The following CADM2 variants were observed in gnomAD, a reference collection of about 807,000 sequenced individuals.
The protein encoded by CADM2 is immunoglobulin superfamily member 4D.
CADM2 carries 12 observed loss-of-function variants against 49.8 expected under a neutral mutation model. The ratio of observed to expected loss-of-function variants is 0.24; its 90% CI spans 0.15 to 0.39. The LOEUF (loss-of-function observed/expected upper bound fraction) is 0.39, where lower values mean the gene tolerates loss of function less well. Among genes scored for constraint, CADM2 ranks in the 10% least tolerant of loss-of-function variants. The pLI, the probability that CADM2 is intolerant of heterozygous loss-of-function variation, is 1.00. For synonymous variants in CADM2, 214 were observed against 175.4 expected (o/e 1.22, Z -1.74); for missense variants, 378 against 492.3 (o/e 0.77, Z 2.20).
chr3:85,568,618 T>TTTCTTTC (rs2062387503), intron 1 of CADM2, among the ~76,000 whole-genome samples: 3 of 146,102 alleles, frequency 2.1e-5, no homozygotes, highest in Non-Finnish European at 1.5e-5. Context: ...CTTTCTTTTT[T>TTTCTTTC]TTTTTTTTTA....
At chr3:85,293,362 A>T (rs1220706724) in intron 1 of CADM2, among the ~76,000 whole-genome samples, 1 of 150,442 alleles carries the variant, frequency 6.6e-6, no homozygotes, top group Non-Finnish European at 1.5e-5. Context: ...CAGAGGTACA[A>T]GGAGGAACTG....
intron 1 of CADM2, among the ~76,000 whole-genome samples, chr3:85,585,522 G>A (rs555503301): frequency 1.3e-5 from 2 of 151,714 alleles, no homozygotes; most frequent in Admixed American, 6.6e-5. Flanking sequence ...GTTTCATCTC[G>A]AATTCTTTAT....
At position 86,066,332 on chromosome 3, in the gene CADM2, C is replaced by CAAAAAAAAAAAAAAAAAAAAAAAAAAAA. The variant is rs10663610; in HGVS notation, c.1097-307_1097-306insAAAAAAAAAAAAAAAAAAAAAAAAAAAA. Reference sequence around the variant, plus strand: ...TGGGCGAGAGAGCGAGACTCCGTCTCAAAAAAAAAAAAAAAAAAAAAAAAA... The same window carrying CAAAAAAAAAAAAAAAAAAAAAAAAAAAA: ...TGGGCGAGAGAGCGAGACTCCGTCTCAAAAAAAAAAAAAAAAAAAAAAAAAAAAAAAAAAAAAAAAAAAAAAAAAAAAA... On this transcript the variant is annotated intron_variant, in intron 9 of 9. Transcript: ENST00000383699. Among the ~76,000 whole-genome samples, 6 of 30,362 alleles carry CAAAAAAAAAAAAAAAAAAAAAAAAAAAA rather than the reference C, an allele frequency of 2.0e-4. 2 individuals are homozygous for CAAAAAAAAAAAAAAAAAAAAAAAAAAAA. Among genetic ancestry groups the CAAAAAAAAAAAAAAAAAAAAAAAAAAAA allele is most frequent in the African/African-American group, 1.1e-3 (5 of 4,676 alleles). The allele number at this position is 30,362 out of a possible 152,430, so 19.9% of individuals were successfully genotyped here.
chr3:85,082,815 G>C (rs1380301018), intron 1 of CADM2, among the ~76,000 whole-genome samples: 1 of 152,068 alleles, frequency 6.6e-6, no homozygotes, highest in Non-Finnish European at 1.5e-5. Context: ...ATTTGATGAT[G>C]GGGAATTGTG....
intron 1 of CADM2, among the ~76,000 whole-genome samples, chr3:85,377,392 A>G (rs1267727310): frequency 6.6e-6 from 1 of 152,060 alleles, no homozygotes; most frequent in Non-Finnish European, 1.5e-5. Flanking sequence ...TCACCTTGCC[A>G]ACGGAAGTTG....
At position 85,939,468 on chromosome 3, in the gene CADM2, A is replaced by AACACACACACACACACACAC. The variant is rs373804679; in HGVS notation, c.791+3627_791+3646dup. On this transcript the variant is annotated intron_variant, in intron 7 of 9. Coordinates refer to ENST00000383699, the MANE Select transcript of CADM2 (RefSeq NM_001167675.2). ...ATTCTCCATTTTAAAAGTAAACGAAAACACACACACACACACACACACACA... is the reference window on the plus strand; with the variant it reads ...ATTCTCCATTTTAAAAGTAAACGAAAACACACACACACACACACACACACACACACACACACACACACACA... 2.3e-3 allele frequency among the ~76,000 whole-genome samples: 311 copies of AACACACACACACACACACAC among 137,060 alleles called. 3 individuals carry two copies. The highest frequency in any genetic ancestry group is 6.2e-3 in the East Asian group (27 of 4,372). 89.9% of individuals were successfully genotyped at this position (137,060 alleles called of 152,430 possible).
intron 1 of CADM2, among the ~76,000 whole-genome samples, chr3:85,226,359 A>G (rs2042160703): frequency 6.6e-6 from 1 of 151,690 alleles, no homozygotes; most frequent in African/African-American, 2.4e-5. Flanking sequence ...GGGAGGGTGT[A>G]TGTGTCCAGG....
intron 1 of CADM2, among the ~76,000 whole-genome samples, chr3:85,001,725 T>C (rs1320398089): frequency 6.6e-6 from 1 of 152,100 alleles, no homozygotes; most frequent in Admixed American, 6.6e-5. Context: ...TTGATACTCA[T>C]AGTTTTATAC....
At chr3:85,299,650 C>T (rs926688937) in intron 1 of CADM2, among the ~76,000 whole-genome samples, 4 of 152,018 alleles carry the variant, frequency 2.6e-5, no homozygotes, top group African/African-American at 7.2e-5. Context: ...GCCCATATTA[C>T]TTCAGAGGTT....
chr3:85,816,683 CT>C (rs1004516188), intron 3 of CADM2, among the ~76,000 whole-genome samples: 5 of 151,720 alleles, frequency 3.3e-5, no homozygotes, highest in African/African-American at 1.2e-4. Context: ...TATCAAAAGG[CT>C]TTTTTACAAG....
chr3:85,421,202 T>A (rs1453753651), intron 1 of CADM2, among the ~76,000 whole-genome samples: 2 of 152,172 alleles, frequency 1.3e-5, no homozygotes, highest in African/African-American at 4.8e-5. Context: ...TTTTACTTCC[T>A]GGAGGTCTGC....
chr3:85,933,570 A>G (rs1160615030), intron 6 of CADM2, among the ~76,000 whole-genome samples: 3 of 152,096 alleles, frequency 2.0e-5, no homozygotes, highest in Non-Finnish European at 4.4e-5. Flanking sequence ...GGCTGTACAT[A>G]CATATAAAAG....
intron 1 of CADM2, among the ~76,000 whole-genome samples, chr3:85,402,697 A>G (rs915668787): frequency 3.3e-5 from 5 of 152,210 alleles, no homozygotes; most frequent in Non-Finnish European, 5.9e-5. Context: ...CTCAAGACCA[A>G]TTCATTTTAA....
At chr3:85,419,284 T>C (rs919568193) in intron 1 of CADM2, among the ~76,000 whole-genome samples, 13 of 124,152 alleles carry the variant, frequency 1.0e-4, no homozygotes, top group Non-Finnish European at 2.1e-4. Context: ...TGAAACCCCG[T>C]CTCTACTAAA....
chr3:85,003,733 C>T (rs2033585494), intron 1 of CADM2, among the ~76,000 whole-genome samples: 1 of 152,012 alleles, frequency 6.6e-6, no homozygotes, highest in African/African-American at 2.4e-5. Flanking sequence ...TAAGTCTTAC[C>T]TTACTATTGA....
chr3:85,808,195 A>C (rs1250715448), intron 3 of CADM2, among the ~76,000 whole-genome samples: 1 of 152,212 alleles, frequency 6.6e-6, no homozygotes, highest in Non-Finnish European at 1.5e-5. Flanking sequence ...GAATCTGCAA[A>C]AACTAAATAG....
intron 3 of CADM2, among the ~76,000 whole-genome samples, chr3:85,882,385 G>T (rs1269715242): frequency 6.6e-6 from 1 of 152,090 alleles, no homozygotes; most frequent in Admixed American, 6.6e-5. Context: ...ATAAAAATGA[G>T]TCTACCTAGA....
In CADM2 at chr3:85,821,456, A is replaced by C. The variant is rs571157325; in HGVS notation, c.238+19260A>C. Among the ~76,000 whole-genome samples the C allele has an allele frequency of 2.0e-5, 3 of 152,320 alleles. No individual in the cohort carries two copies. The East Asian group carries it at 5.8e-4, about 29-fold the overall frequency. The stretch of plus-strand genomic sequence containing the variant: ...TTATTCATATCACTGAAGAAAACAA[A>C]GTGGAAACAACCAGAACCAAAGCAA... On this transcript the variant is annotated intron_variant, in intron 3 of 9. Transcript: ENST00000383699.
At chr3:85,420,331 C>T (rs1331524208) in intron 1 of CADM2, among the ~76,000 whole-genome samples, 2 of 152,202 alleles carry the variant, frequency 1.3e-5, no homozygotes, top group African/African-American at 4.8e-5. Context: ...ATATGTGTCA[C>T]AGTCATTGAT....
Sources: allele counts gnomAD v4.1 joint callset (sites outside exome capture counted in the v4.1 genomes callset), GRCh38; gene constraint gnomAD v4.1.1; transcripts MANE v1.5; gene names NCBI Gene and HGNC (gene_info 2026-07-23, HGNC 2026-07-21).